OR56A3: variants seen among roughly 807,000 people sequenced by gnomAD.
OR56A3 encodes the protein olfactory receptor 56A3.
Under a neutral mutation model 17.5 loss-of-function variants are expected in OR56A3, and 23 were observed. The observed-to-expected ratio is 1.32, with a 90% CI of 0.95 to 1.87. The LOEUF is 1.87. Among genes scored for constraint, OR56A3 ranks in the 40% most tolerant of loss-of-function variants. OR56A3 has a pLI of 0.00. For missense variants in OR56A3, 366 were observed against 380.1 expected, an observed-to-expected ratio of 0.96 and a Z score of 0.31; for synonymous variants, 175 against 150.6, an observed-to-expected ratio of 1.16 and a Z score of -1.19.
chr11:6,018,469 G>A, the OR56A3 span, among the ~76,000 whole-genome samples: 1 of 151,788 alleles, frequency 6.6e-6, no homozygotes, highest in Admixed American at 6.6e-5. Context: ...AAGAAATTGA[G>A]AATAAAATTT....
the OR56A3 span, among the ~76,000 whole-genome samples, chr11:5,972,639 CCAG>C: frequency 7.6e-3 from 1,161 of 152,228 alleles, 16 homozygotes; most frequent in African/African-American, 0.026. Context: ...ATACTGGGAC[CCAG>C]CAGCTAAGTT....
At chr11:5,994,026 G>T in the OR56A3 span, 5 of 468,106 alleles carry the variant, frequency 1.1e-5, no homozygotes, top group South Asian at 3.1e-5. Context: ...CCAGCAGGCT[G>T]CAGTAGGTGG....
the OR56A3 span, among the ~76,000 whole-genome samples, chr11:5,965,275 G>T: frequency 6.6e-6 from 1 of 152,130 alleles, no homozygotes; most frequent in Non-Finnish European, 1.5e-5. Context: ...AGGTCATCCA[G>T]TTTATCCAGC....
At chr11:5,980,449 C>T in the OR56A3 span, among the ~76,000 whole-genome samples, 1 of 152,098 alleles carries the variant, frequency 6.6e-6, no homozygotes, top group Non-Finnish European at 1.5e-5. Flanking sequence ...TCTTTGTCCT[C>T]ATTGATCACT....
chr11:5,968,793 A>C, the OR56A3 span, among the ~76,000 whole-genome samples: 1 of 152,224 alleles, frequency 6.6e-6, no homozygotes, highest in Non-Finnish European at 1.5e-5. Context: ...AATACAAAAA[A>C]AATTCCAAAT....
chr11:5,947,808 C>G lies in OR56A3; in HGVS notation c.462C>G (p.Thr154=), dbSNP rs750557836. 4 of 1,614,060 alleles carry G rather than the reference C, an allele frequency of 2.5e-6. No homozygotes were observed. The highest frequency in any genetic ancestry group is 2.7e-5 in the African/African-American group (2 of 74,910). The change falls in exon 3 of 3, where the codon ACC becomes ACG. Residue 154 remains threonine (T), a synonymous_variant. Transcript: ENST00000641160. ...FVVKAAMFIL[T]RNVLMTLPIP... is the part of the protein sequence containing the mutation. ...TCAAGGCTGCCATGTTTATTTTGAC[C>G]AGAAATGTGCTTATGACTCTGCCCA...
chr11:5,966,912 A>ACACACACC, the OR56A3 span, among the ~76,000 whole-genome samples: 1 of 151,990 alleles, frequency 6.6e-6, no homozygotes, highest in African/African-American at 2.4e-5. Flanking sequence ...ACACACACAC[A>ACACACACC]CACACACACA....
At chr11:6,005,381 G>A in the OR56A3 span, among the ~76,000 whole-genome samples, 2 of 152,282 alleles carry the variant, frequency 1.3e-5, no homozygotes, top group East Asian at 1.9e-4. Flanking sequence ...AGGCATTAGG[G>A]GCTACTGCAT....
At chr11:5,991,290 G>A in the OR56A3 span, among the ~76,000 whole-genome samples, 87 of 152,252 alleles carry the variant, frequency 5.7e-4, no homozygotes, top group African/African-American at 1.9e-3. Context: ...GACCATGAAG[G>A]GTTAAAGACA....
chr11:5,981,095 C>A, the OR56A3 span, among the ~76,000 whole-genome samples: 13 of 152,124 alleles, frequency 8.5e-5, no homozygotes, highest in South Asian at 6.2e-4. Flanking sequence ...GTCTTTAATA[C>A]ATTTTATTTC....
the OR56A3 span, among the ~76,000 whole-genome samples, chr11:6,004,069 T>C: frequency 6.6e-6 from 1 of 152,156 alleles, no homozygotes; most frequent in East Asian, 1.9e-4. Flanking sequence ...AGGCAGAATG[T>C]AGCCAGGGAG....
At chr11:6,006,381 A>G in the OR56A3 span, 3 of 152,024 alleles carry the variant, frequency 2.0e-5, no homozygotes, top group African/African-American at 4.8e-5. Context: ...CAGTATGCCA[A>G]CTCCATCAGT....
At chr11:5,983,128 G>T in the OR56A3 span, among the ~76,000 whole-genome samples, 1 of 151,870 alleles carries the variant, frequency 6.6e-6, no homozygotes, top group South Asian at 2.1e-4. Flanking sequence ...CCTTACTCTT[G>T]TTTACCTTGG....
chr11:6,002,854 T>G, the OR56A3 span: 12 of 1,613,130 alleles, frequency 7.4e-6, no homozygotes, highest in Non-Finnish European at 1.0e-5. Flanking sequence ...ATCAGGAGGG[T>G]GGTGTTAGCT....
At chr11:5,956,358 G>A in the OR56A3 span, among the ~76,000 whole-genome samples, 2 of 152,148 alleles carry the variant, frequency 1.3e-5, no homozygotes, top group East Asian at 1.9e-4. Context: ...AATGAGTACT[G>A]GCAGTCTCCT....
chr11:5,990,355 G>A, the OR56A3 span, among the ~76,000 whole-genome samples: 2 of 152,310 alleles, frequency 1.3e-5, no homozygotes, highest in Admixed American at 1.3e-4. Flanking sequence ...TGTCTTTTGA[G>A]GGTGTCACTG....
chr11:5,975,225 T>C, the OR56A3 span, among the ~76,000 whole-genome samples: 1 of 152,154 alleles, frequency 6.6e-6, no homozygotes, highest in African/African-American at 2.4e-5. Flanking sequence ...AAGAAGACAT[T>C]CTTTAAGTTC....
chr11:5,982,687 G>A, the OR56A3 span, among the ~76,000 whole-genome samples: 1 of 152,266 alleles, frequency 6.6e-6, no homozygotes, highest in Admixed American at 6.5e-5. Context: ...TTCCACTGCA[G>A]CCAGTCCCAT....
At chr11:5,957,751 A>T in the OR56A3 span, among the ~76,000 whole-genome samples, 1 of 152,194 alleles carries the variant, frequency 6.6e-6, no homozygotes, top group Non-Finnish European at 1.5e-5. Context: ...AAAGATTTTT[A>T]AAACTTTTTT....
Sources: gnomAD v4.1 joint callset for allele counts (sites outside exome capture counted in the v4.1 genomes callset) on GRCh38, gnomAD v4.1.1 for gene constraint, MANE v1.5 for transcripts, NCBI Gene and HGNC (gene_info 2026-07-23, HGNC 2026-07-21) for gene names.